SH3D19: variants seen among roughly 807,000 people sequenced by gnomAD.
SH3D19 encodes the protein SH3 domain containing 19, also known as SH3 domain-containing protein 19.
In SH3D19, 58 loss-of-function variants were observed where a neutral mutation model predicts 112.1. The ratio of observed to expected loss-of-function variants is 0.52; its 90% CI spans 0.42 to 0.64. The LOEUF is 0.64. SH3D19 is among the 30% of genes least tolerant of loss of function. SH3D19 has a pLI of 0.00. For missense variants in SH3D19, 1,090 were observed against 1,263.4 expected, an observed-to-expected ratio of 0.86 and a Z score of 2.08; for synonymous variants, 391 against 448.5, an observed-to-expected ratio of 0.87 and a Z score of 1.62.
At chr4:151,321,507 C>G (rs1730531549) in intron 1 of SH3D19, among the ~76,000 whole-genome samples, 1 of 151,898 alleles carries the variant, frequency 6.6e-6, no homozygotes, top group Non-Finnish European at 1.5e-5. Flanking sequence ...ATAAATCAAC[C>G]ATGAAATCCT....
intron 1 of SH3D19, among the ~76,000 whole-genome samples, chr4:151,316,672 A>AAAAAG (rs1361505707): frequency 6.6e-6 from 1 of 151,440 alleles, no homozygotes; most frequent in Non-Finnish European, 1.5e-5. Context: ...TTTTATTTTT[A>AAAAAG]AAAAGAAAAA....
At chr4:151,209,119 A>G (rs1765566154) in intron 2 of SH3D19, among the ~76,000 whole-genome samples, 1 of 152,106 alleles carries the variant, frequency 6.6e-6, no homozygotes, top group African/African-American at 2.4e-5. Flanking sequence ...ACTGAGGTAA[A>G]GAAAGATTAA....
chr4:151,268,017 T>C (rs1196285217), intron 1 of SH3D19, among the ~76,000 whole-genome samples: 1 of 152,212 alleles, frequency 6.6e-6, no homozygotes, highest in Non-Finnish European at 1.5e-5. Flanking sequence ...TGTTGCTTAA[T>C]GATGGAGATC....
intron 2 of SH3D19, among the ~76,000 whole-genome samples, chr4:151,197,706 G>T (rs958662808): frequency 1.3e-5 from 2 of 152,010 alleles, no homozygotes; most frequent in African/African-American, 4.8e-5. Context: ...AAAAAGGTGA[G>T]AAACATGATT....
intron 1 of SH3D19, among the ~76,000 whole-genome samples, chr4:151,245,991 ATAAG>A (rs1237036767): frequency 6.6e-6 from 1 of 152,038 alleles, no homozygotes; most frequent in East Asian, 1.9e-4. Flanking sequence ...AGCAGGAAAA[ATAAG>A]TAAGATTGGA....
At chr4:151,168,803 CAAT>C (rs1758547769) in intron 7 of SH3D19, among the ~76,000 whole-genome samples, 2 of 152,022 alleles carry the variant, frequency 1.3e-5, no homozygotes, top group African/African-American at 2.4e-5. Flanking sequence ...AAATTTTAGT[CAAT>C]GATGCTTTTT....
At chr4:151,270,569 C>G (rs1385170480) in intron 1 of SH3D19, among the ~76,000 whole-genome samples, 1 of 152,132 alleles carries the variant, frequency 6.6e-6, no homozygotes, top group Non-Finnish European at 1.5e-5. Context: ...TGGCCTGCCA[C>G]ATATGTACTG....
intron 1 of SH3D19, among the ~76,000 whole-genome samples, chr4:151,306,293 AAAG>A (rs1200426835): frequency 6.6e-6 from 1 of 152,226 alleles, no homozygotes; most frequent in Non-Finnish European, 1.5e-5. Context: ...TTTAAAAATT[AAAG>A]AAGAAAAGAC....
intron 1 of SH3D19, among the ~76,000 whole-genome samples, chr4:151,310,439 G>A (rs146250392): frequency 3.5e-4 from 54 of 152,196 alleles, no homozygotes; most frequent in African/African-American, 1.2e-3. Context: ...GGAAACTCTT[G>A]TATGTTGTTG....
chr4:151,214,815 C>A (rs1359279783), intron 2 of SH3D19, among the ~76,000 whole-genome samples: 5 of 142,148 alleles, frequency 3.5e-5, no homozygotes, highest in Admixed American at 3.5e-4. Flanking sequence ...CGGGGGCTGA[C>A]CCCCACCTCC....
chr4:151,191,173 A>G (rs1253274054), intron 2 of SH3D19, among the ~76,000 whole-genome samples: 1 of 152,170 alleles, frequency 6.6e-6, no homozygotes, highest in Non-Finnish European at 1.5e-5. Flanking sequence ...TATTTACCCA[A>G]TGCCTGTACG....
intron 7 of SH3D19, among the ~76,000 whole-genome samples, chr4:151,168,972 G>A (rs543840182): frequency 6.6e-6 from 1 of 151,688 alleles, no homozygotes; most frequent in Non-Finnish European, 1.5e-5. Flanking sequence ...AAGGAGAAAA[G>A]AGGACAATCA....
chr4:151,305,450 T>C (rs1728827978), intron 1 of SH3D19, among the ~76,000 whole-genome samples: 1 of 152,208 alleles, frequency 6.6e-6, no homozygotes, highest in South Asian at 2.1e-4. Flanking sequence ...TTTAACAGTG[T>C]CTTTAGCTCT....
intron 1 of SH3D19, among the ~76,000 whole-genome samples, chr4:151,313,254 A>T (rs961787836): frequency 1.3e-5 from 2 of 152,120 alleles, no homozygotes; most frequent in Non-Finnish European, 2.9e-5. Flanking sequence ...ACCACGTTAT[A>T]AAGTTGAATA....
chr4:151,277,412 C>T (rs906737223), intron 1 of SH3D19, among the ~76,000 whole-genome samples: 1 of 152,172 alleles, frequency 6.6e-6, no homozygotes, highest in African/African-American at 2.4e-5. Flanking sequence ...GCAGTACACA[C>T]ACACACCCAC....
At chr4:151,197,126 C>T (rs1763585656) in intron 2 of SH3D19, among the ~76,000 whole-genome samples, 1 of 152,120 alleles carries the variant, frequency 6.6e-6, no homozygotes, top group African/African-American at 2.4e-5. Flanking sequence ...ACCATTTGAT[C>T]CAGCAATCCC....
chr4:151,316,745 A>C (rs1730025975), intron 1 of SH3D19, among the ~76,000 whole-genome samples: 3 of 152,114 alleles, frequency 2.0e-5, no homozygotes, highest in African/African-American at 4.8e-5. Context: ...CACCACAAGG[A>C]CAAGCTTACA....
At chr4:151,305,585 A>G (rs773385583) in intron 1 of SH3D19, among the ~76,000 whole-genome samples, 2 of 152,250 alleles carry the variant, frequency 1.3e-5, no homozygotes, top group Non-Finnish European at 2.9e-5. Flanking sequence ...CAAAAGGAAA[A>G]TGTAAATTAA....
intron 7 of SH3D19, among the ~76,000 whole-genome samples, chr4:151,172,001 C>T (rs1353172797): frequency 6.6e-6 from 1 of 152,112 alleles, no homozygotes; most frequent in Admixed American, 6.5e-5. Flanking sequence ...TCAGTATTTT[C>T]AGATCTCTAT....
Sources: allele counts gnomAD v4.1 joint callset (sites outside exome capture counted in the v4.1 genomes callset), GRCh38; gene constraint gnomAD v4.1.1; transcripts MANE v1.5; gene names NCBI Gene and HGNC (gene_info 2026-07-23, HGNC 2026-07-21).